The following RPLP2 variants were observed in gnomAD, a reference collection of about 807,000 sequenced individuals.
RPLP2 encodes large ribosomal subunit protein P2.
Under a neutral mutation model 11.5 loss-of-function variants are expected in RPLP2, and 1 was observed. That is an observed-to-expected ratio of 0.09 (90% confidence interval 0.03 to 0.41). The LOEUF is 0.41. Ranked by LOEUF, RPLP2 falls within the 10% of genes least tolerant of loss-of-function variation. The probability of loss-of-function intolerance (pLI) is 0.98; values close to 1 mark genes in which losing one functional copy is unlikely to be tolerated. For missense variants in RPLP2, 177 were observed against 145.6 expected (o/e 1.22, Z -1.11); for synonymous variants, 82 against 55.9 (o/e 1.47, Z -2.08).
At chr11:812,414 G>A in intron 3 of RPLP2, 121 bp from the exon 4 acceptor site, 9 of 1,292,056 alleles carry the variant, frequency 7.0e-6, no homozygotes, top group South Asian at 4.0e-5. Context: ...GGAGACACTG[G>A]CATATGGTGG....
chr11:811,806 T>G (rs765512914), intron 3 of RPLP2, 161 bp downstream of exon 3: 2 of 891,854 alleles, frequency 2.2e-6, no homozygotes, highest in Non-Finnish European at 3.8e-6. Flanking sequence ...TGGGCACTTC[T>G]AGACACTCTC....
intron 3 of RPLP2, chr11:812,058 T>G: frequency 2.6e-6 from 1 of 385,590 alleles, no homozygotes; most frequent in South Asian, 2.2e-5. Context: ...GGCAGATGGT[T>G]TTTTGTTGGC....
At chr11:811,744 A>C (rs1590168063) in intron 3 of RPLP2, 99 bp downstream of exon 3, 2 of 1,476,184 alleles carry the variant, frequency 1.4e-6, no homozygotes, top group Non-Finnish European at 1.9e-6. Context: ...GGACCAGAGC[A>C]CCCTAGAAGC....
intron 3 of RPLP2, chr11:811,962 G>A (rs1035062677): frequency 3.5e-6 from 2 of 563,506 alleles, no homozygotes; most frequent in Non-Finnish European, 6.5e-6. Context: ...CACGTCAGCA[G>A]TCCTTACCAC....
At chr11:810,444 A>C in intron 2 of RPLP2, 87 bp downstream of exon 2, 1 of 1,342,416 alleles carries the variant, frequency 7.4e-7, no homozygotes, top group South Asian at 1.3e-5. Context: ...CACATGCTGG[A>C]GGGTTCGGGG....
At chr11:811,395 C>T (rs915846797) in intron 2 of RPLP2, 42 of 614,854 alleles carry the variant, frequency 6.8e-5, no homozygotes, top group African/African-American at 1.7e-4. Flanking sequence ...TTTGTCAGTC[C>T]TAAGTCTAAG....
chr11:812,070 T>C, intron 3 of RPLP2: 2 of 380,854 alleles, frequency 5.3e-6, no homozygotes, highest in Non-Finnish European at 1.0e-5. Flanking sequence ...TTTGTTGGCT[T>C]CAGCTGAGCT....
Position 809,976 on chromosome 11 carries a change from C to T in RPLP2, c.-65C>T, listed in dbSNP as rs911588257. ...CTTGCGTCGGCGCCTTCCTTTTCCTCCCTGTCGCCACCGAGGTCGCACGCG... is the reference window on the plus strand; with the variant it reads ...CTTGCGTCGGCGCCTTCCTTTTCCTTCCTGTCGCCACCGAGGTCGCACGCG... On this transcript the variant is annotated 5_prime_UTR_variant, in exon 1 of 5. Transcript: ENST00000321153. The T allele has an allele frequency of 6.4e-5, 25 of 388,554 alleles. No homozygotes were observed. The East Asian group carries it at 7.3e-4, about 11-fold the overall frequency. The allele number at this position is 388,554 out of a possible 1,614,324, so 24.1% of individuals were successfully genotyped here.
rs1565077970 is a variant in RPLP2 at position 810,278 on chromosome 11, A to C, written c.44A>C (p.Asn15Thr). 6.2e-7 allele frequency: 1 copy of C among 1,606,218 alleles called. No homozygotes were observed. Among genetic ancestry groups the C allele is most frequent in the African/African-American group, 1.3e-5 (1 of 74,200 alleles). ...ASYLLAALGG[N>T]SSPSAKDIKK... is the part of the protein sequence containing the mutation. ...TACCTGCTGGCTGCCCTAGGGGGCA[A>C]CTCCTCCCCCAGCGCCAAGGACATC... Residue 15 changes from asparagine (N) to threonine (T), a missense_variant, in exon 2 of 5, where the codon AAC becomes ACC. Asn to Thr is a moderately conservative substitution (Grantham distance 65, BLOSUM62 0). Transcript: ENST00000321153.
chr11:812,439 GGTGCCAT>G, intron 3 of RPLP2, 89 bp from the exon 4 acceptor site: 7 of 1,510,940 alleles, frequency 4.6e-6, no homozygotes, highest in Non-Finnish European at 6.3e-6. Flanking sequence ...AGATATGTTG[GGTGCCAT>G]GTGCCATCTC....
chr11:810,793 A>G (rs1590166399), intron 2 of RPLP2, among the ~76,000 whole-genome samples: 1 of 41,568 alleles, frequency 2.4e-5, no homozygotes, highest in African/African-American at 1.2e-4. Context: ...CTCAAAAGGA[A>G]AAAAAAAAAA....
chr11:812,320 G>A (rs1866089094), intron 3 of RPLP2: 1 of 619,006 alleles, frequency 1.6e-6, no homozygotes, highest in South Asian at 1.9e-5. Context: ...CTAATTCCTA[G>A]AAGGCAAGTC....
intron 2 of RPLP2, 138 bp downstream of exon 2, chr11:810,495 G>A: frequency 4.7e-6 from 4 of 846,508 alleles, no homozygotes; most frequent in Middle Eastern, 2.9e-4. Context: ...CTTGGATAGA[G>A]AAGTAAGCCG....
intron 2 of RPLP2, 159 bp from the exon 3 acceptor site, chr11:811,438 C>T (rs1866057031): frequency 2.7e-6 from 2 of 729,678 alleles, no homozygotes; most frequent in South Asian, 1.8e-5. Flanking sequence ...TATATCACTT[C>T]CCAAGTGAGG....
chr11:811,513 C>T, intron 2 of RPLP2, 84 bp from the exon 3 acceptor site: 1 of 1,557,880 alleles, frequency 6.4e-7, no homozygotes, highest in Non-Finnish European at 8.8e-7. Context: ...GTGGGGAACC[C>T]AGTCCTGCTG....
At chr11:812,419 TGGTGGGTCCAGATATGTTG>T in intron 3 of RPLP2, 97 bp from the exon 4 acceptor site, 2 of 1,355,402 alleles carry the variant, frequency 1.5e-6, no homozygotes, top group Non-Finnish European at 2.0e-6. Context: ...CACTGGCATA[TGGTGGGTCCAGATATGTTG>T]GGTGCCATGT....
chr11:811,965 C>CT, intron 3 of RPLP2: 1 of 554,504 alleles, frequency 1.8e-6, no homozygotes, highest in Non-Finnish European at 3.3e-6. Flanking sequence ...GTCAGCAGTC[C>CT]TTACCACATG....
rs753294878 is a variant in RPLP2, at chr11:812,606, C to T, written c.244C>T (p.Pro82Ser). The change falls in exon 4 of 5, where the codon CCT (proline) becomes TCT (serine). Residue 82 changes from proline (P) to serine (S), a missense_variant. Coordinates refer to ENST00000321153, the MANE Select transcript of RPLP2 (RefSeq NM_001004.4). ...AVSAAPGSAA[P>S]AAGSAPAAAE... is the part of the protein sequence containing the mutation. ...CTCTGCTGCCCCAGGCTCTGCAGCC[C>T]CTGCTGCTGGTTCTGCCCCTGCTGC... 1.2e-6 allele frequency: 2 copies of T among 1,609,594 alleles called. No homozygotes were observed. The highest frequency in any genetic ancestry group is 1.7e-6 in the Non-Finnish European group (2 of 1,179,744).
rs966246157 is a variant in RPLP2 at position 812,482 on chromosome 11, A to G, written c.173-53A>G. 2.5e-6 allele frequency: 4 copies of G among 1,597,270 alleles called. No individual in the cohort carries two copies. The African/African-American group carries it at 4.0e-5, about 16-fold the overall frequency. The stretch of plus-strand genomic sequence containing the variant: ...TGGTGCCATCTAACTTCCCTGTGGA[A>G]CAGCCTCCCAGGCTGGGCAGCTGCT... On this transcript the variant is annotated intron_variant, in intron 3 of 4. Transcript: ENST00000321153.
Sources: allele counts gnomAD v4.1 joint callset (sites outside exome capture counted in the v4.1 genomes callset), GRCh38; gene constraint gnomAD v4.1.1; transcripts MANE v1.5; gene names NCBI Gene and HGNC (gene_info 2026-07-23, HGNC 2026-07-21).